Variants in MACROD1 observed in about 807,000 individuals in gnomAD.
MACROD1 encodes the protein mono-ADP ribosylhydrolase 1.
In MACROD1, 31 loss-of-function variants were observed where a neutral mutation model predicts 41.4. The ratio of observed to expected loss-of-function variants is 0.75; its 90% CI spans 0.56 to 1.01. The LOEUF is 1.01. Among genes scored for constraint, MACROD1 ranks in the 50% least tolerant of loss-of-function variants. The probability of loss-of-function intolerance (pLI) is 0.00; values close to 1 mark genes in which losing one functional copy is unlikely to be tolerated. For synonymous variants in MACROD1, 252 were observed against 203.4 expected (o/e 1.24, Z -2.03); for missense variants, 473 against 460.0 (o/e 1.03, Z -0.26).
intron 3 of MACROD1, among the ~76,000 whole-genome samples, chr11:64,115,094 G>A (rs1289010464): frequency 2.0e-5 from 3 of 152,190 alleles, no homozygotes; most frequent in Admixed American, 6.5e-5. Context: ...CAGGTTCCGA[G>A]AGGCCATCAT....
At chr11:64,066,578 C>T (rs937091831) in intron 3 of MACROD1, among the ~76,000 whole-genome samples, 1 of 150,818 alleles carries the variant, frequency 6.6e-6, no homozygotes, top group African/African-American at 2.4e-5. Context: ...ATGATCCTAC[C>T]TGTGAATAGC....
At chr11:64,053,089 G>A (rs550586298) in intron 3 of MACROD1, among the ~76,000 whole-genome samples, 2 of 152,194 alleles carry the variant, frequency 1.3e-5, no homozygotes, top group Non-Finnish European at 2.9e-5. Context: ...CCTCCAGCAC[G>A]CTGGGCCTGC....
At chr11:64,074,334 C>T (rs557642678) in intron 3 of MACROD1, among the ~76,000 whole-genome samples, 3 of 152,326 alleles carry the variant, frequency 2.0e-5, no homozygotes, top group East Asian at 1.9e-4. Flanking sequence ...TGCAAGGTCC[C>T]GCTCTGGGAG....
Position 64,120,732 on chromosome 11 carries a change from G to A in MACROD1, c.517+30507C>T, listed in dbSNP as rs1001605983. 2.0e-5 allele frequency among the ~76,000 whole-genome samples: 3 copies of A among 151,728 alleles called. No homozygotes were observed. The highest frequency in any genetic ancestry group is 6.6e-5 in the Admixed American group (1 of 15,264). On this transcript the variant is annotated intron_variant, in intron 3 of 10. Coordinates refer to ENST00000255681, the MANE Select transcript of MACROD1 (RefSeq NM_014067.4). This position sits in a 1 kb window ranked among gnomAD's most constrained non-coding sequence, Gnocchi z 4.5. ...CAGTGGACCATGGCCCCCCAGCCCC[G>A]AGATGAGCAGAAGGGCCCACCTGGG...
At chr11:64,042,132 G>A (rs1427440144) in intron 3 of MACROD1, among the ~76,000 whole-genome samples, 1 of 152,190 alleles carries the variant, frequency 6.6e-6, no homozygotes, top group Admixed American at 6.5e-5. Flanking sequence ...GGAGACAGAT[G>A]TGCACCACGC....
intron 3 of MACROD1, chr11:64,116,489 C>T: frequency 6.2e-7 from 1 of 1,613,986 alleles, no homozygotes; most frequent in South Asian, 1.1e-5. Flanking sequence ...GACTCACATC[C>T]ATCCCCGCAG....
At chr11:64,117,365 G>A in intron 3 of MACROD1, 1 of 1,613,386 alleles carries the variant, frequency 6.2e-7, no homozygotes. Context: ...TCCGGGGCAT[G>A]GCCATCAAGG....
intron 3 of MACROD1, among the ~76,000 whole-genome samples, chr11:64,069,260 G>T (rs1256987724): frequency 6.6e-6 from 1 of 152,242 alleles, no homozygotes; most frequent in Non-Finnish European, 1.5e-5. Context: ...ACCTGACACC[G>T]GAGACAGCTC....
At chr11:64,140,899 C>T (rs1376413029) in intron 3 of MACROD1, among the ~76,000 whole-genome samples, 1 of 152,182 alleles carries the variant, frequency 6.6e-6, no homozygotes, top group Non-Finnish European at 1.5e-5. Flanking sequence ...CTTTGGGAGG[C>T]CTAGGCAGGA....
At chr11:64,147,245 T>C (rs1241359722) in intron 3 of MACROD1, among the ~76,000 whole-genome samples, 2 of 151,922 alleles carry the variant, frequency 1.3e-5, no homozygotes, top group Non-Finnish European at 2.9e-5. Context: ...TTTTTAATTT[T>C]TTTTTTGGTA....
intron 3 of MACROD1, among the ~76,000 whole-genome samples, chr11:64,077,494 C>T (rs1181206654): frequency 6.6e-6 from 1 of 151,926 alleles, no homozygotes; most frequent in East Asian, 1.9e-4. Flanking sequence ...TACTGATGGG[C>T]ATTTGTGGAG....
intron 1 of MACROD1, among the ~76,000 whole-genome samples, chr11:64,152,834 G>C (rs1034238162): frequency 5.3e-5 from 8 of 152,246 alleles, no homozygotes; most frequent in African/African-American, 1.9e-4. Flanking sequence ...CCCACCGCCA[G>C]TCAGTTCTGC....
At chr11:64,129,555 C>T (rs886337772) in intron 3 of MACROD1, among the ~76,000 whole-genome samples, 3 of 152,214 alleles carry the variant, frequency 2.0e-5, no homozygotes, top group African/African-American at 7.2e-5. Flanking sequence ...TCCTGGCCCC[C>T]AGGGATGGAG....
rs769058023 is a variant in MACROD1 at position 63,999,768 on chromosome 11, G to T, written c.665-5C>A. ...GCCCCACTGTGTGGATGACGTCTACGGGGGGCGACGGGGTCAGACCGGCGG... is the reference window on the plus strand; with the variant it reads ...GCCCCACTGTGTGGATGACGTCTACTGGGGGCGACGGGGTCAGACCGGCGG... On this transcript the variant is annotated splice_region_variant and splice_polypyrimidine_tract_variant and intron_variant, in intron 5 of 10. Coordinates refer to ENST00000255681, the MANE Select transcript of MACROD1 (RefSeq NM_014067.4). The T allele has an allele frequency of 1.2e-6, 2 of 1,602,884 alleles. No individual in the cohort carries two copies. Among genetic ancestry groups the T allele is most frequent in the East Asian group, 4.5e-5 (2 of 44,778 alleles).
chr11:64,091,567 G>A (rs7946301), intron 3 of MACROD1, among the ~76,000 whole-genome samples: 22 of 151,978 alleles, frequency 1.4e-4, no homozygotes, highest in African/African-American at 5.1e-4. Flanking sequence ...CCAGTCCTTC[G>A]GGCGTTTGCA....
In MACROD1 at chr11:64,047,627, T is replaced by C. The variant is rs145663259; in HGVS notation, c.518-32346A>G. Among the ~76,000 whole-genome samples the C allele has an allele frequency of 3.5e-3, 526 of 152,150 alleles. 5 individuals are homozygous for C. The highest frequency in any genetic ancestry group is 0.012 in the African/African-American group (513 of 41,532). ...TAGAGGGAAGGAAGGCCGGGCGCGG[T>C]GGCTTATGCTTGTAATCCCAGCACT... On this transcript the variant is annotated intron_variant, in intron 3 of 10. Transcript: ENST00000255681.
intron 3 of MACROD1, among the ~76,000 whole-genome samples, chr11:64,092,157 G>A (rs1944502379): frequency 6.6e-6 from 1 of 152,344 alleles, no homozygotes; most frequent in Admixed American, 6.5e-5. Context: ...GGCATCCCGA[G>A]TGGGTGGAGT....
intron 3 of MACROD1, among the ~76,000 whole-genome samples, chr11:64,072,097 G>A (rs1944119605): frequency 6.6e-6 from 1 of 152,242 alleles, no homozygotes; most frequent in Non-Finnish European, 1.5e-5. Flanking sequence ...ATCGACTGCT[G>A]AACTCATAAC....
intron 3 of MACROD1, among the ~76,000 whole-genome samples, chr11:64,024,583 C>T (rs1431340028): frequency 1.3e-5 from 2 of 152,262 alleles, no homozygotes; most frequent in Non-Finnish European, 2.9e-5. Flanking sequence ...CAGCATCCCA[C>T]ATTAGCATAA....
Sources: allele counts gnomAD v4.1 joint callset (sites outside exome capture counted in the v4.1 genomes callset), GRCh38; gene constraint gnomAD v4.1.1; non-coding constraint Gnocchi (gnomAD v3.1); transcripts MANE v1.5; gene names NCBI Gene and HGNC (gene_info 2026-07-23, HGNC 2026-07-21).